LBHD2: variants seen among roughly 807,000 people sequenced by gnomAD.
LBHD2 encodes LBH domain containing 2, also known as LBH domain-containing protein 2.
chr14:103,085,833 G>A (rs1889625004), intron 1 of LBHD2, 143 bp from the exon 2 acceptor site: 1 of 394,290 alleles, frequency 2.5e-6, no homozygotes, highest in African/African-American at 2.1e-5. Flanking sequence ...CTCAGGCAGG[G>A]AGCAGTGCAA....
chr14:103,085,802 A>G (rs1889624447), intron 1 of LBHD2, among the ~76,000 whole-genome samples, 174 bp from the exon 2 acceptor site: 1 of 152,208 alleles, frequency 6.6e-6, no homozygotes, highest in Non-Finnish European at 1.5e-5. Flanking sequence ...GCCAGGGTCC[A>G]GTGCCCCCTC....
chr14:103,087,902 G>A lies in LBHD2; in HGVS notation c.70-183G>A, dbSNP rs372659355. 2.0e-5 allele frequency among the ~76,000 whole-genome samples: 3 copies of A among 152,164 alleles called. No homozygotes were observed. The East Asian group carries it at 5.8e-4, about 29-fold the overall frequency. On this transcript the variant is annotated intron_variant, in intron 2 of 3. Transcript: ENST00000634353. Reference sequence around the variant, plus strand: ...CACCCTACCCCCAGGGTTGGGACTGGGTAGGGCCTGGGACCTGTCTCAGGG... The same window carrying A: ...CACCCTACCCCCAGGGTTGGGACTGAGTAGGGCCTGGGACCTGTCTCAGGG...
rs1006232851 is a variant in LBHD2, at chr14:103,087,685, C to T, written c.70-400C>T. ...AGCCTGGAGGAGGCCAAGGGCCCAG[C>T]AGGGAAGACCCCAGGAAGGGACTGG... On this transcript the variant is annotated intron_variant, in intron 2 of 3. Transcript: ENST00000634353. Among the ~76,000 whole-genome samples, 6 of 152,234 alleles carry T rather than the reference C, an allele frequency of 3.9e-5. No individual in the cohort carries two copies. The East Asian group carries it at 1.2e-3, about 29-fold the overall frequency.
chr14:103,085,444 G>A (rs1443644871), intron 1 of LBHD2, among the ~76,000 whole-genome samples: 1 of 47,378 alleles, frequency 2.1e-5, no homozygotes, highest in Non-Finnish European at 4.6e-5. Flanking sequence ...CTGAGTGGGT[G>A]CGGCCAAGTG....
chr14:103,084,678 T>C (rs1352908015), intron 1 of LBHD2, among the ~76,000 whole-genome samples: 1 of 152,006 alleles, frequency 6.6e-6, no homozygotes, highest in Non-Finnish European at 1.5e-5. Flanking sequence ...GTCATCCCTC[T>C]CTCTCTGGGC....
chr14:103,086,940 C>T (rs968605549), intron 2 of LBHD2, among the ~76,000 whole-genome samples: 3 of 152,338 alleles, frequency 2.0e-5, no homozygotes, highest in African/African-American at 7.2e-5. Context: ...CGCTGCTGGC[C>T]TGGACCTCGT....
Position 103,089,834 on chromosome 14 carries a change from G to A in LBHD2, c.*37G>A, listed in dbSNP as rs1294914898. 1.0e-5 allele frequency: 4 copies of A among 398,446 alleles called. No homozygotes were observed. The highest frequency in any genetic ancestry group is 4.1e-5 in the African/African-American group (2 of 48,616). The allele number at this position is 398,446 out of a possible 1,614,324, so 24.7% of individuals were successfully genotyped here. ...GGCTGGGCTCTGCTGTCTGACTGCT[G>A]AGGGCCTCTGCCCCAGGGTGGCCGG... On this transcript the variant is annotated 3_prime_UTR_variant, in exon 4 of 4. Coordinates refer to ENST00000634353, the MANE Select transcript of LBHD2 (RefSeq NM_001330236.2).
chr14:103,084,746 T>C (rs939051426), intron 1 of LBHD2, among the ~76,000 whole-genome samples: 4 of 152,096 alleles, frequency 2.6e-5, no homozygotes, highest in African/African-American at 9.7e-5. Context: ...CTCCTCTGTC[T>C]CCAGCTCAGT....
chr14:103,084,990 C>T (rs939062346), intron 1 of LBHD2, among the ~76,000 whole-genome samples: 4 of 152,154 alleles, frequency 2.6e-5, no homozygotes, highest in African/African-American at 4.8e-5. Flanking sequence ...CTTCACTGCC[C>T]GCTGCCCCGA....
At chr14:103,089,657 C>G (rs1029189038) in intron 3 of LBHD2, 40 bp from the exon 4 acceptor site, 1 of 398,314 alleles carries the variant, frequency 2.5e-6, no homozygotes, top group East Asian at 3.6e-5. Context: ...AGGCTGCACT[C>G]CCCCCGCCGA....
At chr14:103,088,810 A>G (rs574478726) in intron 3 of LBHD2, among the ~76,000 whole-genome samples, 34 of 152,354 alleles carry the variant, frequency 2.2e-4, no homozygotes, top group Admixed American at 5.9e-4. Context: ...CCTGGCCAAC[A>G]TGGTGAAACC....
In LBHD2 at chr14:103,089,958, A is replaced by G. The variant is rs1889690840; in HGVS notation, c.*161A>G. 2.5e-6 allele frequency: 1 copy of G among 397,030 alleles called. No individual in the cohort carries two copies. Among genetic ancestry groups the G allele is most frequent in the Non-Finnish European group, 4.4e-6 (1 of 225,552 alleles). 24.6% of individuals were successfully genotyped at this position (397,030 alleles called of 1,614,324 possible). A position where few individuals can be genotyped will look rare whatever the true frequency, so the allele number is the denominator to read the frequency against. On this transcript the variant is annotated 3_prime_UTR_variant, in exon 4 of 4. Transcript: ENST00000634353. ...ACCGCAGCCCTGCCCTCTTCTGCCC[A>G]TGGCCCAGGTCTGGATCACACCCCG... is the stretch of plus-strand genomic sequence containing the variant.
chr14:103,089,263 C>G (rs1278144910), intron 3 of LBHD2, among the ~76,000 whole-genome samples: 1 of 152,160 alleles, frequency 6.6e-6, no homozygotes, highest in Non-Finnish European at 1.5e-5. Flanking sequence ...CTCTTCCCAT[C>G]CCCAGACCTC....
At chr14:103,085,607 C>G (rs892554711) in intron 1 of LBHD2, among the ~76,000 whole-genome samples, 6 of 152,228 alleles carry the variant, frequency 3.9e-5, no homozygotes, top group African/African-American at 1.2e-4. Context: ...GTCTCAGGAA[C>G]GTTTAGGTCC....
At chr14:103,087,423 A>G (rs1889649278) in intron 2 of LBHD2, among the ~76,000 whole-genome samples, 1 of 152,334 alleles carries the variant, frequency 6.6e-6, no homozygotes, top group South Asian at 2.1e-4. Flanking sequence ...GCCCGAGCAC[A>G]GGCGTGGGGG....
rs972386573 is a variant in LBHD2 at position 103,086,026 on chromosome 14, G to A, written c.14G>A (p.Arg5Gln). The change falls in exon 2 of 4, where the codon CGG becomes CAG. Residue 5 changes from arginine (R) to glutamine (Q), a missense_variant. Physicochemically the swap from Arg to Gln is conservative, Grantham distance 43. Transcript: ENST00000634353. ...GGCGGCAGCAGCATGAGCACCCCCC[G>A]GCCTGCTCCACCACAGCCAGGCGCT... MSTP[R>Q]PAPPQPGAAE... 18 of 398,550 alleles carry A rather than the reference G, an allele frequency of 4.5e-5. No individual in the cohort carries two copies. Among genetic ancestry groups the A allele is most frequent in the African/African-American group, 8.2e-5 (4 of 48,608 alleles). 24.7% of individuals were successfully genotyped at this position (398,550 alleles called of 1,614,324 possible).
intron 2 of LBHD2, among the ~76,000 whole-genome samples, chr14:103,087,546 G>C (rs7149179): frequency 0.28 from 42,309 of 152,168 alleles, 6,290 homozygotes; most frequent in East Asian, 0.38. Context: ...AGGGCACCGG[G>C]AAGGCCTGGG....
chr14:103,088,630 C>T (rs1307256531), intron 3 of LBHD2, among the ~76,000 whole-genome samples: 2 of 152,212 alleles, frequency 1.3e-5, no homozygotes, highest in East Asian at 3.9e-4. Flanking sequence ...TGTGAGCCTA[C>T]AGGTGCTTGT....
Position 103,089,928 on chromosome 14 carries a change from T to A in LBHD2, c.*131T>A, listed in dbSNP as rs1400037536. 5.0e-6 allele frequency: 2 copies of A among 396,928 alleles called. No homozygotes were observed. The highest frequency in any genetic ancestry group is 7.1e-5 in the East Asian group (2 of 27,994). The allele number at this position is 396,928 out of a possible 1,614,324, so 24.6% of individuals were successfully genotyped here. A position where few individuals can be genotyped will look rare whatever the true frequency, so the allele number is the denominator to read the frequency against. ...AGAGGCTGCTTCCTGTGTCACAGGG[T>A]CTGGACCGCAGCCCTGCCCTCTTCT... On this transcript the variant is annotated 3_prime_UTR_variant, in exon 4 of 4. Transcript: ENST00000634353.
Sources: gnomAD v4.1 joint callset for allele counts (sites outside exome capture counted in the v4.1 genomes callset) on GRCh38, gnomAD v4.1.1 for gene constraint, MANE v1.5 for transcripts, NCBI Gene and HGNC (gene_info 2026-07-23, HGNC 2026-07-21) for gene names.